SNTG1: variants seen among roughly 807,000 people sequenced by gnomAD.
SNTG1 encodes gamma-1-syntrophin.
A neutral mutation model predicts 74.7 loss-of-function variants in SNTG1; 39 were observed. The observed-to-expected ratio is 0.52, with a 90% CI of 0.40 to 0.68. The LOEUF (loss-of-function observed/expected upper bound fraction) is 0.68, where lower values mean the gene tolerates loss of function less well. SNTG1 is among the 30% of genes least tolerant of loss of function. The pLI, the probability that SNTG1 is intolerant of heterozygous loss-of-function variation, is 0.00. For synonymous variants in SNTG1, 254 were observed against 217.1 expected, an observed-to-expected ratio of 1.17 and a Z score of -1.49; for missense variants, 685 against 609.5, an observed-to-expected ratio of 1.12 and a Z score of -1.30.
chr8:50,564,997 G>C (rs1476510270), intron 12 of SNTG1, among the ~76,000 whole-genome samples: 1 of 152,048 alleles, frequency 6.6e-6, no homozygotes, highest in Admixed American at 6.6e-5. Flanking sequence ...AACGTCAACT[G>C]TGATGTCAAA....
At chr8:50,391,073 G>C (rs966506226) in intron 2 of SNTG1, among the ~76,000 whole-genome samples, 31 of 152,014 alleles carry the variant, frequency 2.0e-4, no homozygotes, top group Admixed American at 1.8e-3. Context: ...TCTTTCTTCT[G>C]TCTGATTGCC....
chr8:50,156,064 A>G (rs1263445511), intron 1 of SNTG1, among the ~76,000 whole-genome samples: 3 of 152,154 alleles, frequency 2.0e-5, no homozygotes, highest in Non-Finnish European at 4.4e-5. Context: ...GCTAAGACTA[A>G]TACAAAAAGA....
intron 17 of SNTG1, among the ~76,000 whole-genome samples, chr8:50,729,126 G>A (rs1299988744): frequency 1.3e-5 from 2 of 152,180 alleles, no homozygotes; most frequent in Non-Finnish European, 2.9e-5. Flanking sequence ...AGTGGTGCAG[G>A]TCCTAGGCTG....
chr8:50,033,699 G>A (rs1192786787), intron 1 of SNTG1, among the ~76,000 whole-genome samples: 2 of 151,962 alleles, frequency 1.3e-5, no homozygotes, highest in Non-Finnish European at 2.9e-5. Flanking sequence ...GTGTGTCCTA[G>A]TGTCATCTTA....
intron 13 of SNTG1, among the ~76,000 whole-genome samples, chr8:50,632,584 A>G (rs1243728559): frequency 6.6e-6 from 1 of 152,202 alleles, no homozygotes. Flanking sequence ...TGCTGAGATT[A>G]CAGGCATGAG....
At chr8:50,501,826 G>A (rs1034927234) in intron 8 of SNTG1, among the ~76,000 whole-genome samples, 6 of 151,536 alleles carry the variant, frequency 4.0e-5, no homozygotes, top group South Asian at 2.1e-4. Context: ...CTTTAATTGC[G>A]GTTGAACAAG....
chr8:50,619,139 G>T (rs534060511), intron 13 of SNTG1, among the ~76,000 whole-genome samples: 109 of 152,168 alleles, frequency 7.2e-4, no homozygotes, highest in African/African-American at 2.5e-3. Context: ...GCATCAAAGT[G>T]GTTCTGCTAT....
rs577769250 is a variant in SNTG1 at position 50,243,836 on chromosome 8, G to A, written c.-28+71201G>A. ...AGAATGAACATATGATTGAGGATAG[G>A]AATAACTGATATATTCCCTAATATC... On this transcript the variant is annotated intron_variant, in intron 2 of 18. Coordinates refer to ENST00000642720, the MANE Select transcript of SNTG1 (RefSeq NM_018967.5). Among the ~76,000 whole-genome samples, 40 of 152,184 alleles carry A rather than the reference G, an allele frequency of 2.6e-4. 1 individual carries two copies. Among genetic ancestry groups the A allele is most frequent in the African/African-American group, 9.4e-4 (39 of 41,526 alleles).
At chr8:50,595,020 ATG>A (rs57799690) in intron 13 of SNTG1, among the ~76,000 whole-genome samples, 12,112 of 147,708 alleles carry the variant, frequency 0.082, 517 homozygotes, top group African/African-American at 0.098. Context: ...TTTATTGAAG[ATG>A]TGTGTGTGTG....
At chr8:49,972,323 C>T (rs1473136293) in intron 1 of SNTG1, among the ~76,000 whole-genome samples, 1 of 152,108 alleles carries the variant, frequency 6.6e-6, no homozygotes, top group Non-Finnish European at 1.5e-5. Flanking sequence ...ATGTAGAAAG[C>T]TGAAACTGGA....
chr8:50,060,407 CTT>C (rs1820371048), intron 1 of SNTG1, among the ~76,000 whole-genome samples: 1 of 151,952 alleles, frequency 6.6e-6, no homozygotes, highest in Admixed American at 6.6e-5. Flanking sequence ...GCTTATGCTT[CTT>C]GAGTCACATC....
intron 2 of SNTG1, among the ~76,000 whole-genome samples, chr8:50,268,287 G>A (rs571834409): frequency 3.3e-5 from 5 of 152,162 alleles, no homozygotes; most frequent in Non-Finnish European, 7.4e-5. Context: ...GACATATTAT[G>A]TTCATGGATC....
At chr8:49,964,020 T>A (rs1294157710) in intron 1 of SNTG1, among the ~76,000 whole-genome samples, 1 of 152,212 alleles carries the variant, frequency 6.6e-6, no homozygotes, top group Admixed American at 6.5e-5. Flanking sequence ...AAATAACATG[T>A]ATGCCTCACA....
chr8:50,597,386 TATAC>T lies in SNTG1; in HGVS notation c.849+6473_849+6476del, dbSNP rs1563627942. On this transcript the variant is annotated intron_variant, in intron 13 of 18. Coordinates refer to ENST00000642720, the MANE Select transcript of SNTG1 (RefSeq NM_018967.5). ...ACATATACATGTATATATACACATA[TATAC>T]ATATATACATATATACATATATACA... Among the ~76,000 whole-genome samples, 54 of 95,994 alleles carry T rather than the reference TATAC, an allele frequency of 5.6e-4. No individual in the cohort carries two copies. The African/African-American group carries it at 8.3e-3, about 15-fold the overall frequency. 63.0% of individuals were successfully genotyped at this position (95,994 alleles called of 152,430 possible).
intron 10 of SNTG1, among the ~76,000 whole-genome samples, chr8:50,535,149 T>A (rs1390504878): frequency 6.6e-6 from 1 of 152,170 alleles, no homozygotes; most frequent in Non-Finnish European, 1.5e-5. Context: ...TATAAGAAAT[T>A]TTTTATTTGT....
intron 2 of SNTG1, among the ~76,000 whole-genome samples, chr8:50,190,652 C>T (rs1269605658): frequency 3.9e-5 from 6 of 152,048 alleles, no homozygotes; most frequent in African/African-American, 1.2e-4. Flanking sequence ...TAAGTGTTTG[C>T]TAGTGCCTTT....
At chr8:49,915,045 T>A (rs1805900377) in intron 1 of SNTG1, 1 of 152,232 alleles carries the variant, frequency 6.6e-6, no homozygotes, top group Non-Finnish European at 1.5e-5. Context: ...TTACACATCA[T>A]GTTGTAGGGA....
At chr8:50,472,063 G>A (rs571508689) in intron 8 of SNTG1, among the ~76,000 whole-genome samples, 28 of 152,220 alleles carry the variant, frequency 1.8e-4, no homozygotes, top group African/African-American at 6.7e-4. Flanking sequence ...AAGTAAATGG[G>A]AAGACATCCT....
chr8:50,121,431 G>C (rs1287486032), intron 1 of SNTG1, among the ~76,000 whole-genome samples: 2 of 141,986 alleles, frequency 1.4e-5, no homozygotes, highest in African/African-American at 2.6e-5. Flanking sequence ...ATATTTATCA[G>C]TGCATACAAA....
Sources: gnomAD v4.1 joint callset for allele counts (sites outside exome capture counted in the v4.1 genomes callset) on GRCh38, gnomAD v4.1.1 for gene constraint, MANE v1.5 for transcripts, NCBI Gene and HGNC (gene_info 2026-07-23, HGNC 2026-07-21) for gene names.